PDE11A: variants seen among roughly 807,000 people sequenced by gnomAD.
PDE11A encodes the protein phosphodiesterase 11A.
In PDE11A, 100 loss-of-function variants were observed where a neutral mutation model predicts 100.5. The ratio of observed to expected loss-of-function variants is 1.00; its 90% CI spans 0.85 to 1.18. PDE11A has a LOEUF of 1.18. Among genes scored for constraint, PDE11A ranks in the 50% most tolerant of loss-of-function variants. PDE11A has a pLI of 0.00. For missense variants in PDE11A, 1,141 were observed against 1,152.6 expected (o/e 0.99, Z 0.15); for synonymous variants, 381 against 420.8 (o/e 0.91, Z 1.16).
At chr2:177,766,390 G>T (rs544676516) in intron 10 of PDE11A, among the ~76,000 whole-genome samples, 2 of 152,242 alleles carry the variant, frequency 1.3e-5, no homozygotes, top group Non-Finnish European at 2.9e-5. Flanking sequence ...CATGGGCTGG[G>T]TTAAGGACCC....
At chr2:177,821,054 G>A (rs2083131312) in intron 6 of PDE11A, among the ~76,000 whole-genome samples, 1 of 151,814 alleles carries the variant, frequency 6.6e-6, no homozygotes, top group Non-Finnish European at 1.5e-5. Context: ...TACAATAGGA[G>A]AAAACAATAA....
intron 5 of PDE11A, among the ~76,000 whole-genome samples, chr2:177,856,449 G>C (rs1366399942): frequency 6.6e-6 from 1 of 152,002 alleles, no homozygotes; most frequent in Non-Finnish European, 1.5e-5. Context: ...AACTGTCCCT[G>C]AGTAAACCAA....
intron 5 of PDE11A, among the ~76,000 whole-genome samples, chr2:177,863,375 C>A (rs1237188622): frequency 1.3e-5 from 2 of 151,832 alleles, no homozygotes; most frequent in Non-Finnish European, 2.9e-5. Flanking sequence ...AAGGAAACAA[C>A]CAACAAAATG....
intron 19 of PDE11A, among the ~76,000 whole-genome samples, chr2:177,643,269 A>C (rs1559123156): frequency 6.6e-6 from 1 of 152,182 alleles, no homozygotes; most frequent in South Asian, 2.1e-4. Flanking sequence ...GAACTCCCTA[A>C]AGGCTTGTTG....
intron 1 of PDE11A, among the ~76,000 whole-genome samples, chr2:178,042,839 C>G (rs1213454687): frequency 6.6e-6 from 1 of 152,090 alleles, no homozygotes; most frequent in Admixed American, 6.6e-5. Context: ...AAACCCTACA[C>G]TTAGGGGCAA....
At position 177,666,966 on chromosome 2, in the gene PDE11A, G is replaced by A. The variant is rs114224424; in HGVS notation, c.2562+2527C>T. Among the ~76,000 whole-genome samples, 663 of 127,150 alleles carry A rather than the reference G, an allele frequency of 5.2e-3. 5 individuals are homozygous for A. The highest frequency in any genetic ancestry group is 0.036 in the East Asian group (151 of 4,182). The allele number at this position is 127,150 out of a possible 152,430, so 83.4% of individuals were successfully genotyped here. A position where few individuals can be genotyped will look rare whatever the true frequency, so the allele number is the denominator to read the frequency against. On this transcript the variant is annotated intron_variant, in intron 18 of 19. Transcript: ENST00000286063. ...AGAGTCTTGCTCTGTCACCTGGGCT[G>A]GAGTGCAGTGGCACAACCTGGGCTC...
chr2:178,051,060 T>C (rs1398132722), intron 1 of PDE11A, among the ~76,000 whole-genome samples: 1 of 96,442 alleles, frequency 1.0e-5, no homozygotes. Flanking sequence ...AATTAACAGA[T>C]TCACCAAAGT....
chr2:177,787,375 G>A (rs1461360277), intron 9 of PDE11A, among the ~76,000 whole-genome samples: 1 of 150,776 alleles, frequency 6.6e-6, no homozygotes, highest in Non-Finnish European at 1.5e-5. Flanking sequence ...CCCTAAAAGA[G>A]CTCCTGAAGG....
intron 18 of PDE11A, among the ~76,000 whole-genome samples, chr2:177,666,371 G>A (rs888115892): frequency 5.9e-5 from 9 of 152,216 alleles, no homozygotes; most frequent in Non-Finnish European, 8.8e-5. Context: ...TTCACATACA[G>A]TTTTTATGTG....
intron 9 of PDE11A, among the ~76,000 whole-genome samples, chr2:177,805,198 T>G (rs1053585317): frequency 6.6e-6 from 1 of 152,006 alleles, no homozygotes; most frequent in Non-Finnish European, 1.5e-5. Context: ...TTGTTTTAAA[T>G]ATATATCCTT....
rs114869323 is a variant in PDE11A at position 177,678,630 on chromosome 2, A to G, written c.2423+2196T>C. On this transcript the variant is annotated intron_variant, in intron 16 of 19. Coordinates refer to ENST00000286063, the MANE Select transcript of PDE11A (RefSeq NM_016953.4). ...ACAGATGGTGCTCCCTTAGAGCACC[A>G]CCCTTGGTGCAAGGTGGTCAGAGTG... Among the ~76,000 whole-genome samples, 1,179 of 152,246 alleles carry G rather than the reference A, an allele frequency of 7.7e-3. 14 individuals carry two copies. The highest frequency in any genetic ancestry group is 0.027 in the African/African-American group (1,131 of 41,538).
chr2:177,703,074 T>A (rs1255855871), intron 13 of PDE11A, among the ~76,000 whole-genome samples: 1 of 152,180 alleles, frequency 6.6e-6, no homozygotes, highest in Non-Finnish European at 1.5e-5. Flanking sequence ...GAGCCTGGCA[T>A]AGAGTAAGTG....
chr2:177,881,095 C>T (rs1317754996), intron 4 of PDE11A, among the ~76,000 whole-genome samples: 1 of 152,152 alleles, frequency 6.6e-6, no homozygotes, highest in Non-Finnish European at 1.5e-5. Flanking sequence ...ACTGAGGGCT[C>T]AGATAGAAAG....
intron 6 of PDE11A, among the ~76,000 whole-genome samples, chr2:177,827,751 C>T (rs2083248144): frequency 6.6e-6 from 1 of 152,090 alleles, no homozygotes; most frequent in South Asian, 2.1e-4. Flanking sequence ...GGCACAATGC[C>T]AGTTGAAAGC....
At chr2:177,864,414 A>G (rs1324916164) in intron 5 of PDE11A, among the ~76,000 whole-genome samples, 3 of 152,194 alleles carry the variant, frequency 2.0e-5, no homozygotes, top group Non-Finnish European at 4.4e-5. Flanking sequence ...TTGCTTCACT[A>G]AAGTAACATT....
rs563039554 is a variant in PDE11A, at chr2:177,786,562, A to G, written c.1738-17189T>C. Among the ~76,000 whole-genome samples, 38 of 152,334 alleles carry G rather than the reference A, an allele frequency of 2.5e-4. No homozygotes were observed. The East Asian group carries it at 6.5e-3, about 26-fold the overall frequency. On this transcript the variant is annotated intron_variant, in intron 9 of 19. Transcript: ENST00000286063. ...AGAATGACTTTGACGAGTTGAGAGA[A>G]GAAGGCTTCAGACGATCAAATTACT...
chr2:177,716,132 T>A (rs181285533), intron 12 of PDE11A, among the ~76,000 whole-genome samples: 1 of 152,214 alleles, frequency 6.6e-6, no homozygotes, highest in African/African-American at 2.4e-5. Flanking sequence ...TTATTTTGAG[T>A]GTGCACCTCA....
chr2:178,089,418 G>A (rs1334860745), intron 2 of PDE11A, among the ~76,000 whole-genome samples: 1 of 152,194 alleles, frequency 6.6e-6, no homozygotes, highest in East Asian at 1.9e-4. Context: ...CAGGGTGTAA[G>A]CTCAGTGGAC....
chr2:177,789,246 A>G (rs1333971361), intron 9 of PDE11A, among the ~76,000 whole-genome samples: 2 of 152,192 alleles, frequency 1.3e-5, no homozygotes, highest in Non-Finnish European at 2.9e-5. Context: ...ACACAAATCA[A>G]TAAATGTAAT....
Sources: gnomAD v4.1 joint callset for allele counts (sites outside exome capture counted in the v4.1 genomes callset) on GRCh38, gnomAD v4.1.1 for gene constraint, MANE v1.5 for transcripts, NCBI Gene and HGNC (gene_info 2026-07-23, HGNC 2026-07-21) for gene names.